KIAA1328: variants seen among roughly 807,000 people sequenced by gnomAD.
KIAA1328 encodes protein hinderin.
Under a neutral mutation model 68.1 loss-of-function variants are expected in KIAA1328, and 52 were observed. That is an observed-to-expected ratio of 0.76 (90% CI 0.61 to 0.96). The LOEUF is 0.96. Among genes scored for constraint, KIAA1328 ranks in the 40% least tolerant of loss-of-function variants. The pLI is 0.00. For missense variants in KIAA1328, 641 were observed against 677.6 expected (o/e 0.95, Z 0.60); for synonymous variants, 232 against 239.4 (o/e 0.97, Z 0.28).
intron 5 of KIAA1328, among the ~76,000 whole-genome samples, chr18:36,921,818 A>C (rs1414437059): frequency 6.6e-6 from 1 of 152,200 alleles, no homozygotes; most frequent in Non-Finnish European, 1.5e-5. Flanking sequence ...AATTTTGTCA[A>C]GCTCCCTAGT....
rs1739099267 is a variant in KIAA1328 at position 37,097,878 on chromosome 18, CTGT to C, written c.1232+30335_1232+30337del. Among the ~76,000 whole-genome samples the C allele has an allele frequency of 2.0e-5, 3 of 152,062 alleles. No homozygotes were observed. The South Asian group carries it at 6.2e-4, about 31-fold the overall frequency. Reference sequence around the variant, plus strand: ...ACTCATGATTTGGCTGTCTGTTTGTCTGTTATTAGTGTATAAGGATGCTGTGAT... The same window carrying C: ...ACTCATGATTTGGCTGTCTGTTTGTCTATTAGTGTATAAGGATGCTGTGAT... On this transcript the variant is annotated intron_variant, in intron 7 of 9. Coordinates refer to ENST00000280020, the MANE Select transcript of KIAA1328 (RefSeq NM_020776.3).
chr18:36,870,915 A>G (rs1355474190), intron 4 of KIAA1328, among the ~76,000 whole-genome samples: 1 of 152,150 alleles, frequency 6.6e-6, no homozygotes, highest in Non-Finnish European at 1.5e-5. Context: ...GGGTGTTAGA[A>G]TGCCCAAGGG....
At chr18:37,069,962 T>C (rs376624091) in intron 7 of KIAA1328, among the ~76,000 whole-genome samples, 1 of 152,172 alleles carries the variant, frequency 6.6e-6, no homozygotes, top group Admixed American at 6.5e-5. Flanking sequence ...CATTTAGTGC[T>C]CTAAATTCCC....
chr18:37,181,964 C>T (rs2059706960), intron 9 of KIAA1328, among the ~76,000 whole-genome samples: 1 of 152,194 alleles, frequency 6.6e-6, no homozygotes, highest in Non-Finnish European at 1.5e-5. Context: ...GTTGCAAAAA[C>T]CCTAAAGTTA....
At chr18:36,966,644 A>T (rs547490128) in intron 6 of KIAA1328, among the ~76,000 whole-genome samples, 3 of 152,376 alleles carry the variant, frequency 2.0e-5, no homozygotes, top group South Asian at 2.1e-4. Context: ...AGGATACAGG[A>T]TATAAGATCA....
intron 5 of KIAA1328, among the ~76,000 whole-genome samples, chr18:36,919,398 A>ACAGTCT (rs2049834094): frequency 6.6e-6 from 1 of 152,096 alleles, no homozygotes; most frequent in Non-Finnish European, 1.5e-5. Flanking sequence ...GCTTTTTTAT[A>ACAGTCT]CAGTCTAACA....
chr18:37,223,152 G>A lies in KIAA1328; in HGVS notation c.*925G>A, dbSNP rs1197434450. ...GAGTGATGCAAGCTGCTGCAAAGCT[G>A]ATGGGCTTCCTCTGGCCCTCCCTTT... On this transcript the variant is annotated 3_prime_UTR_variant, in exon 10 of 10. Coordinates refer to ENST00000280020, the MANE Select transcript of KIAA1328 (RefSeq NM_020776.3). 1 of 980,340 alleles carries A rather than the reference G, an allele frequency of 1.0e-6. No individual in the cohort carries two copies. Among genetic ancestry groups the A allele is most frequent in the East Asian group, 1.2e-4 (1 of 8,464 alleles). The allele number at this position is 980,340 out of a possible 1,614,324, so 60.7% of individuals were successfully genotyped here.
intron 4 of KIAA1328, among the ~76,000 whole-genome samples, chr18:36,857,104 C>T (rs2047410647): frequency 6.6e-6 from 1 of 152,108 alleles, no homozygotes. Flanking sequence ...GGCAAGGAGG[C>T]TTGCACTGAG....
intron 8 of KIAA1328, among the ~76,000 whole-genome samples, chr18:37,166,524 A>T (rs187362903): frequency 1.1e-3 from 174 of 152,264 alleles, no homozygotes; most frequent in African/African-American, 4.0e-3. Flanking sequence ...GGGAAGCCAA[A>T]AGATTGGGTG....
At chr18:36,904,819 A>G (rs1364476198) in intron 5 of KIAA1328, among the ~76,000 whole-genome samples, 1 of 151,850 alleles carries the variant, frequency 6.6e-6, no homozygotes, top group Non-Finnish European at 1.5e-5. Context: ...GATCAATTGA[A>G]TATTTAAAAT....
chr18:37,056,468 A>ATAAT (rs1431075757), intron 6 of KIAA1328, among the ~76,000 whole-genome samples: 1 of 151,878 alleles, frequency 6.6e-6, no homozygotes, highest in Non-Finnish European at 1.5e-5. Context: ...TCTAGTCATT[A>ATAAT]GCCTGTGCCT....
At chr18:37,073,822 TTAC>T (rs1217102447) in intron 7 of KIAA1328, among the ~76,000 whole-genome samples, 1 of 152,200 alleles carries the variant, frequency 6.6e-6, no homozygotes, top group African/African-American at 2.4e-5. Context: ...GATGCATGCT[TTAC>T]TATTCTTATC....
intron 9 of KIAA1328, among the ~76,000 whole-genome samples, chr18:37,217,366 G>A (rs2060464439): frequency 1.3e-5 from 2 of 152,140 alleles, no homozygotes; most frequent in South Asian, 4.1e-4. Flanking sequence ...AGGCCTGGTG[G>A]TGACAAAATC....
chr18:36,860,351 A>G (rs752983535), intron 4 of KIAA1328, among the ~76,000 whole-genome samples: 18 of 152,290 alleles, frequency 1.2e-4, no homozygotes, highest in Non-Finnish European at 1.9e-4. Flanking sequence ...ATTTCTGAGA[A>G]GTTTTAAAGT....
intron 5 of KIAA1328, among the ~76,000 whole-genome samples, chr18:36,952,412 T>A (rs1477014205): frequency 6.6e-6 from 1 of 152,190 alleles, no homozygotes; most frequent in African/African-American, 2.4e-5. Flanking sequence ...GATGTCTTTT[T>A]TTTTTAAAAA....
In KIAA1328 at chr18:36,885,769, G is replaced by A. The variant is rs2048478852; in HGVS notation, c.448+97G>A. 4 of 719,626 alleles carry A rather than the reference G, an allele frequency of 5.6e-6. No individual in the cohort carries two copies. In the South Asian group the frequency reaches 8.0e-5, roughly 14 times the overall value. 44.6% of individuals were successfully genotyped at this position (719,626 alleles called of 1,614,324 possible). A position where few individuals can be genotyped will look rare whatever the true frequency, so the allele number is the denominator to read the frequency against. ...TCTCGCTCTTGTCGCCTAGGCTGCAGTGCAATGGTGCGATTTCAGTTCACC... is the reference window on the plus strand; with the variant it reads ...TCTCGCTCTTGTCGCCTAGGCTGCAATGCAATGGTGCGATTTCAGTTCACC... On this transcript the variant is annotated intron_variant, in intron 5 of 9. Coordinates refer to ENST00000280020, the MANE Select transcript of KIAA1328 (RefSeq NM_020776.3).
At chr18:36,918,413 CTTT>C (rs11321724) in intron 5 of KIAA1328, among the ~76,000 whole-genome samples, 16 of 103,316 alleles carry the variant, frequency 1.5e-4, no homozygotes, top group Non-Finnish European at 2.1e-4. Flanking sequence ...GTTTTTAAGC[CTTT>C]TTTTTTTTTT....
intron 6 of KIAA1328, among the ~76,000 whole-genome samples, chr18:37,007,568 C>T (rs1306160096): frequency 6.6e-6 from 1 of 152,022 alleles, no homozygotes; most frequent in Non-Finnish European, 1.5e-5. Context: ...TGTGGTTTTC[C>T]AAGTCATAAC....
At chr18:37,156,854 G>A (rs2059163978) in intron 7 of KIAA1328, among the ~76,000 whole-genome samples, 1 of 152,198 alleles carries the variant, frequency 6.6e-6, no homozygotes, top group Non-Finnish European at 1.5e-5. Context: ...GTTTTGGCAA[G>A]CACTGTGAAC....
Sources: allele counts gnomAD v4.1 joint callset (sites outside exome capture counted in the v4.1 genomes callset), GRCh38; gene constraint gnomAD v4.1.1; transcripts MANE v1.5; gene names NCBI Gene and HGNC (gene_info 2026-07-23, HGNC 2026-07-21).